NAV3: variants seen among roughly 807,000 people sequenced by gnomAD.
The protein encoded by NAV3 is pore membrane and/or filament interacting like protein 1.
A neutral mutation model predicts 244.7 loss-of-function variants in NAV3; 87 were observed. The ratio of observed to expected loss-of-function variants is 0.36; its 90% CI spans 0.30 to 0.42. NAV3 has a LOEUF of 0.42. Among genes scored for constraint, NAV3 ranks in the 20% least tolerant of loss-of-function variants. The probability of loss-of-function intolerance (pLI) is 1.00; values close to 1 mark genes in which losing one functional copy is unlikely to be tolerated. For synonymous variants in NAV3, 1,126 were observed against 1,042.2 expected (o/e 1.08, Z -1.55); for missense variants, 2,663 against 2,893.3 (o/e 0.92, Z 1.83).
chr12:78,026,577 G>T (rs758025476), intron 9 of NAV3, among the ~76,000 whole-genome samples: 2 of 151,934 alleles, frequency 1.3e-5, no homozygotes, highest in African/African-American at 4.8e-5. Flanking sequence ...AACTTTTTAG[G>T]ATATTTCTCA....
Position 78,007,309 on chromosome 12 carries a change from G to C in NAV3, c.1771G>C (p.Ala591Pro), listed in dbSNP as rs2136596633. Reference sequence around the variant, plus strand: ...TTTGGAAGGAAGGGAAGCTGGCCAAGCTTCTCCTTCTGGTTCCTGTACCAT... The same window carrying C: ...TTTGGAAGGAAGGGAAGCTGGCCAACCTTCTCCTTCTGGTTCCTGTACCAT... Reference protein sequence around the residue: ...APLEGREAGQASPSGSCTMTV... With the variant: ...APLEGREAGQPSPSGSCTMTV... Residue 591 changes from alanine to proline, a missense_variant, in exon 8 of 40, where the codon GCT (alanine) becomes CCT (proline). Coordinates refer to ENST00000397909, the MANE Select transcript of NAV3 (RefSeq NM_001024383.2). 1.2e-6 allele frequency: 2 copies of C among 1,614,196 alleles called. No homozygotes were observed. The highest frequency in any genetic ancestry group is 1.3e-5 in the African/African-American group (1 of 75,056).
In NAV3 at chr12:77,831,538, T is replaced by A. The variant is rs1243631591; in HGVS notation, c.77T>A (p.Ile26Lys). 2 of 1,614,098 alleles carry A rather than the reference T, an allele frequency of 1.2e-6. No homozygotes were observed. The highest frequency in any genetic ancestry group is 1.7e-6 in the Non-Finnish European group (2 of 1,179,978). The change falls in exon 1 of 40, where the codon ATA becomes AAA. Residue 26 changes from isoleucine to lysine, a missense_variant. Ile to Lys is a moderately radical substitution (Grantham distance 102). Transcript: ENST00000397909. ...GSKPVHTALP[I>K]PNLGTTGSQH... ...AAGCCTGTGCATACTGCTCTTCCGA[T>A]ACCAAATCTTGGCACTACTGGGTCA...
chr12:77,702,072 A>T (rs1002202180), intron 2 of NAV3, among the ~76,000 whole-genome samples: 1 of 151,896 alleles, frequency 6.6e-6, no homozygotes. Context: ...ATCTCCAATG[A>T]TAATTGTGAA....
Position 78,200,510 on chromosome 12 carries a change from A to G in NAV3, c.6753A>G (p.Glu2251=). 1.3e-6 allele frequency: 2 copies of G among 1,597,408 alleles called. No individual in the cohort carries two copies. Among genetic ancestry groups the G allele is most frequent in the Non-Finnish European group, 1.7e-6 (2 of 1,171,526 alleles). The change falls in exon 38 of 40, where the codon GAA becomes GAG. Residue 2251 remains glutamate (E), a synonymous_variant. Coordinates refer to ENST00000397909, the MANE Select transcript of NAV3 (RefSeq NM_001024383.2). ...TCCTTCCTTGCCCCATGGATGTAGA[A>G]GGTTCTAGAGTATGGTTCATGGATC... ...RLFLPCPMDV[E]GSRVWFMDLW...
rs1476403800 is a variant in NAV3, at chr12:78,050,909, G to C, written c.2278G>C (p.Gly760Arg). Residue 760 changes from glycine (G) to arginine (R), a missense_variant, in exon 11 of 40, where the codon GGT becomes CGT. Transcript: ENST00000397909. ...TCAGGCGGGAGATGCTCCCTCCCTG[G>C]GTGCTGGCTATCCTCGCAGTGGTAC... is the stretch of plus-strand genomic sequence containing the variant. ...RLQAGDAPSL[G>R]AGYPRSGTSR... The C allele has an allele frequency of 1.2e-6, 2 of 1,614,004 alleles. No homozygotes were observed. The highest frequency in any genetic ancestry group is 1.7e-6 in the Non-Finnish European group (2 of 1,179,988).
intron 12 of NAV3, among the ~76,000 whole-genome samples, chr12:78,073,497 C>T (rs1952887146): frequency 6.6e-6 from 1 of 152,120 alleles, no homozygotes; most frequent in Non-Finnish European, 1.5e-5. Flanking sequence ...TGAAGGACCT[C>T]TTCAAGGAGA....
At chr12:77,762,833 C>T (rs1869552793) in intron 2 of NAV3, among the ~76,000 whole-genome samples, 1 of 152,054 alleles carries the variant, frequency 6.6e-6, no homozygotes, top group East Asian at 1.9e-4. Flanking sequence ...CTAGACAATA[C>T]TACTCTTCAG....
Position 77,859,726 on chromosome 12 carries a change from A to G in NAV3, c.243+28022A>G, listed in dbSNP as rs546221876. ...ATAGGAATGGAATCCTAGCATGAGCAGTAAAACAAGCATTTCCCATGCTTT... is the reference window on the plus strand; with the variant it reads ...ATAGGAATGGAATCCTAGCATGAGCGGTAAAACAAGCATTTCCCATGCTTT... On this transcript the variant is annotated intron_variant, in intron 1 of 39. Coordinates refer to ENST00000397909, the MANE Select transcript of NAV3 (RefSeq NM_001024383.2). Among the ~76,000 whole-genome samples, 21 of 145,576 alleles carry G rather than the reference A, an allele frequency of 1.4e-4. No homozygotes were observed. In the East Asian group the frequency reaches 3.7e-3, roughly 26 times the overall value.
chr12:78,086,921 CTT>C (rs959557405), intron 12 of NAV3, among the ~76,000 whole-genome samples: 2 of 152,098 alleles, frequency 1.3e-5, no homozygotes, highest in African/African-American at 4.8e-5. Flanking sequence ...GACACCAACA[CTT>C]TTTCCTATTT....
At chr12:78,089,738 C>A (rs1026605147) in intron 12 of NAV3, among the ~76,000 whole-genome samples, 1 of 152,092 alleles carries the variant, frequency 6.6e-6, no homozygotes, top group Non-Finnish European at 1.5e-5. Context: ...TTGTGATAGC[C>A]AGTATACATC....
At chr12:78,154,121 G>T (rs1259707153) in intron 22 of NAV3, among the ~76,000 whole-genome samples, 1 of 142,506 alleles carries the variant, frequency 7.0e-6, no homozygotes, top group Non-Finnish European at 1.5e-5. Flanking sequence ...AAATGCTCTA[G>T]GCATATATGT....
chr12:78,151,957 C>G (rs912048679), intron 22 of NAV3, among the ~76,000 whole-genome samples: 3 of 151,298 alleles, frequency 2.0e-5, no homozygotes, highest in Non-Finnish European at 3.0e-5. Context: ...TCTATCATAA[C>G]GTAACATGCT....
chr12:77,948,906 C>A (rs1268486470), intron 3 of NAV3, among the ~76,000 whole-genome samples: 1 of 151,670 alleles, frequency 6.6e-6, no homozygotes, highest in Admixed American at 6.6e-5. Context: ...AATAGGGAAA[C>A]TCTTGTTCAC....
chr12:77,735,145 A>C (rs1325225636), intron 2 of NAV3, among the ~76,000 whole-genome samples: 1 of 152,280 alleles, frequency 6.6e-6, no homozygotes, highest in South Asian at 2.1e-4. Context: ...ATTTATGTAC[A>C]GTAGAATGAA....
chr12:77,732,503 T>A (rs1194550605), intron 2 of NAV3, among the ~76,000 whole-genome samples: 1 of 151,976 alleles, frequency 6.6e-6, no homozygotes, highest in African/African-American at 2.4e-5. Flanking sequence ...CAGATAGAAT[T>A]AAGTACTTCC....
In NAV3 at chr12:77,847,497, G is replaced by A. The variant is rs571617618; in HGVS notation, c.243+15793G>A. On this transcript the variant is annotated intron_variant, in intron 1 of 39. Transcript: ENST00000397909. ...GAGAAAATGAAAAGGGTGGGAAGAT[G>A]AAATCCAACTGAAAGCAACAGGGCA... 4.6e-5 allele frequency among the ~76,000 whole-genome samples: 7 copies of A among 152,278 alleles called. No homozygotes were observed. In the South Asian group the frequency reaches 1.4e-3, roughly 32 times the overall value.
At chr12:77,633,629 C>CA (rs931179411) in intron 2 of NAV3, among the ~76,000 whole-genome samples, 2 of 151,816 alleles carry the variant, frequency 1.3e-5, no homozygotes, top group African/African-American at 4.8e-5. Context: ...AACTTAAATC[C>CA]AAAAAAATAC....
chr12:77,719,187 A>C (rs932870127), intron 2 of NAV3, among the ~76,000 whole-genome samples: 5 of 152,192 alleles, frequency 3.3e-5, no homozygotes, highest in Non-Finnish European at 5.9e-5. Context: ...AACTTTACTA[A>C]ATTTGTTTTT....
At chr12:77,797,565 G>A (rs1871481194) in intron 2 of NAV3, among the ~76,000 whole-genome samples, 3 of 146,792 alleles carry the variant, frequency 2.0e-5, no homozygotes, top group Non-Finnish European at 4.5e-5. Flanking sequence ...AGCTTAGGCC[G>A]GGCGTGGTGG....
Sources: gnomAD v4.1 joint callset for allele counts (sites outside exome capture counted in the v4.1 genomes callset) on GRCh38, gnomAD v4.1.1 for gene constraint, MANE v1.5 for transcripts, NCBI Gene and HGNC (gene_info 2026-07-23, HGNC 2026-07-21) for gene names.